The following SQOR variants were observed in gnomAD, a reference collection of about 807,000 sequenced individuals.
SQOR encodes sulfide quinone oxidoreductase, also known as sulfide:quinone oxidoreductase, mitochondrial.
A neutral mutation model predicts 48.6 loss-of-function variants in SQOR; 39 were observed. The ratio of observed to expected loss-of-function variants is 0.80; its 90% confidence interval spans 0.62 to 1.05. The LOEUF is 1.05. Ranked by LOEUF, SQOR falls within the 50% of genes least tolerant of loss-of-function variation. The pLI, the probability that SQOR is intolerant of heterozygous loss-of-function variation, is 0.00. For missense variants in SQOR, 561 were observed against 559.9 expected, an observed-to-expected ratio of 1.00 and a Z score of -0.02; for synonymous variants, 220 against 206.2, an observed-to-expected ratio of 1.07 and a Z score of -0.57.
intron 1 of SQOR, among the ~76,000 whole-genome samples, chr15:45,655,986 AT>A (rs1006198671): frequency 1.2e-3 from 162 of 138,540 alleles, no homozygotes; most frequent in Middle Eastern, 3.8e-3. Flanking sequence ...TGCCTGGCCT[AT>A]TTTTTTTTTT....
upstream of SQOR, among the ~76,000 whole-genome samples, chr15:45,633,082 C>G (rs1380962143): frequency 6.6e-6 from 1 of 151,412 alleles, no homozygotes; most frequent in Non-Finnish European, 1.5e-5. Context: ...GTTATCGCAC[C>G]ATTGCACTCA....
chr15:45,681,029 C>G (rs1890118303), intron 6 of SQOR, among the ~76,000 whole-genome samples: 1 of 151,810 alleles, frequency 6.6e-6, no homozygotes, highest in Non-Finnish European at 1.5e-5. Context: ...GGCAACAGAG[C>G]AAGACCGAGT....
intron 3 of SQOR, among the ~76,000 whole-genome samples, chr15:45,663,485 G>T (rs987477790): frequency 6.6e-6 from 1 of 152,092 alleles, no homozygotes; most frequent in Non-Finnish European, 1.5e-5. Context: ...ACCTGCTTTG[G>T]CTGAGCATGG....
chr15:45,670,851 G>A (rs1199661724), intron 4 of SQOR, among the ~76,000 whole-genome samples: 1 of 152,178 alleles, frequency 6.6e-6, no homozygotes, highest in Non-Finnish European at 1.5e-5. Context: ...ATGGTGCCAT[G>A]GGTCGTGAGT....
chr15:45,683,475 C>T (rs1036313528), intron 7 of SQOR, among the ~76,000 whole-genome samples: 26 of 152,228 alleles, frequency 1.7e-4, no homozygotes, highest in African/African-American at 6.3e-4. Context: ...CGATGTTCTG[C>T]ACCAGCAGTG....
intron 1 of SQOR, among the ~76,000 whole-genome samples, chr15:45,636,119 G>A (rs1156635011): frequency 3.9e-5 from 6 of 152,170 alleles, no homozygotes; most frequent in South Asian, 4.2e-4. Flanking sequence ...GTGAGCCACC[G>A]CGCTGGACCA....
At position 45,662,011 on chromosome 15, in the gene SQOR, C is replaced by G; in HGVS notation, c.291C>G (p.Ser97=). 1 of 1,614,230 alleles carries G rather than the reference C, an allele frequency of 6.2e-7. No homozygotes were observed. The highest frequency in any genetic ancestry group is 8.5e-7 in the Non-Finnish European group (1 of 1,180,046). The change falls in exon 3 of 10, where the codon TCC becomes TCG. Residue 97 remains serine (S), a synonymous_variant. Transcript: ENST00000260324. ...TLVGAGAKQL[S]SSGRPTASVI... ...TGGGTGCTGGTGCCAAACAATTGTC[C>G]TCATCTGGTCGTCCCACGGCAAGTG... is the stretch of plus-strand genomic sequence containing the variant.
chr15:45,655,681 CT>C (rs60764234), intron 1 of SQOR, among the ~76,000 whole-genome samples: 80 of 143,718 alleles, frequency 5.6e-4, no homozygotes, highest in South Asian at 6.5e-4. Context: ...GAAAGTATAT[CT>C]TTTTTTTTTT....
intron 1 of SQOR, among the ~76,000 whole-genome samples, chr15:45,643,155 C>T (rs1368245007): frequency 6.6e-6 from 1 of 152,182 alleles, no homozygotes; most frequent in Admixed American, 6.5e-5. Context: ...TCTCAGCTTG[C>T]ATCCTTACAT....
intron 2 of SQOR, among the ~76,000 whole-genome samples, chr15:45,660,188 C>T (rs1889694054): frequency 6.6e-6 from 1 of 152,084 alleles, no homozygotes; most frequent in Non-Finnish European, 1.5e-5. Context: ...GAGCTGTATC[C>T]TTGGGAGGAA....
chr15:45,690,950 T>C (rs773760752), intron 9 of SQOR, 23 bp from the exon 10 acceptor site: 1 of 1,610,922 alleles, frequency 6.2e-7, no homozygotes, highest in South Asian at 1.1e-5. Context: ...TGCAGGTACA[T>C]TTTTTTGTGT....
At chr15:45,659,333 G>A (rs542754978) in intron 2 of SQOR, among the ~76,000 whole-genome samples, 176 bp downstream of exon 2, 36 of 152,276 alleles carry the variant, frequency 2.4e-4, no homozygotes, top group Admixed American at 2.2e-3. Context: ...GGGAGGAAGT[G>A]GAGGGAAAGA....
At chr15:45,673,877 T>C (rs1229982060) in intron 5 of SQOR, 76 bp downstream of exon 5, 1 of 1,437,196 alleles carries the variant, frequency 7.0e-7, no homozygotes, top group Non-Finnish European at 9.6e-7. Flanking sequence ...TTCCATTTTA[T>C]CTCTATTGTA....
chr15:45,677,708 T>G (rs1391771579), intron 6 of SQOR, among the ~76,000 whole-genome samples: 1 of 152,198 alleles, frequency 6.6e-6, no homozygotes. Flanking sequence ...TTTATTTATT[T>G]ATTTATTTTT....
intron 7 of SQOR, among the ~76,000 whole-genome samples, chr15:45,686,109 A>C (rs1890219614): frequency 6.6e-6 from 1 of 152,020 alleles, no homozygotes; most frequent in Non-Finnish European, 1.5e-5. Flanking sequence ...GCCTCCCAAA[A>C]TGTTGGGATT....
At chr15:45,660,826 C>T (rs901440392) in intron 2 of SQOR, among the ~76,000 whole-genome samples, 3 of 152,090 alleles carry the variant, frequency 2.0e-5, no homozygotes, top group Non-Finnish European at 2.9e-5. Flanking sequence ...CTTCACCTCT[C>T]TGTGGGTTTT....
At chr15:45,639,609 T>C (rs35707605) in intron 1 of SQOR, among the ~76,000 whole-genome samples, 6,993 of 152,352 alleles carry the variant, frequency 0.046, 268 homozygotes, top group Non-Finnish European at 0.068. Flanking sequence ...GATTTCACTC[T>C]ATGATAACTT....
chr15:45,665,993 G>T (rs966654035), intron 3 of SQOR, among the ~76,000 whole-genome samples: 24 of 152,188 alleles, frequency 1.6e-4, no homozygotes, highest in African/African-American at 5.6e-4. Flanking sequence ...ATCCGGGGGT[G>T]TGTTTGTCTG....
In SQOR at chr15:45,690,348, G is replaced by A. The variant is rs150206134; in HGVS notation, c.1296-625G>A. ...CCCAAAGTGCTGGGATTACCGGTGT[G>A]AGCCACTGCACCCAGCCACTCTTCT... On this transcript the variant is annotated intron_variant, in intron 9 of 9. Transcript: ENST00000260324. Among the ~76,000 whole-genome samples the A allele has an allele frequency of 3.8e-3, 574 of 152,298 alleles. 4 individuals carry two copies. Among genetic ancestry groups the A allele is most frequent in the African/African-American group, 0.013 (553 of 41,560 alleles).
Sources: gnomAD v4.1 joint callset for allele counts (sites outside exome capture counted in the v4.1 genomes callset) on GRCh38, gnomAD v4.1.1 for gene constraint, MANE v1.5 for transcripts, NCBI Gene and HGNC (gene_info 2026-07-23, HGNC 2026-07-21) for gene names.